The following WFDC3 variants were observed in gnomAD, a reference collection of about 807,000 sequenced individuals.
The protein encoded by WFDC3 is WAP four-disulfide core domain 3, also known as WAP four-disulfide core domain protein 3.
Under a neutral mutation model 25.8 loss-of-function variants are expected in WFDC3, and 15 were observed. The observed-to-expected ratio is 0.58, with a 90% confidence interval of 0.39 to 0.89. The LOEUF (loss-of-function observed/expected upper bound fraction) is 0.89. WFDC3 is among the 40% of genes least tolerant of loss of function. The pLI is 0.00. For synonymous variants in WFDC3, 103 were observed against 107.1 expected (o/e 0.96, Z 0.24); for missense variants, 264 against 289.8 (o/e 0.91, Z 0.65).
In WFDC3 at chr20:45,774,266, C is replaced by A; in HGVS notation, c.*162G>T. On this transcript the variant is annotated 3_prime_UTR_variant, in exon 7 of 7. Transcript: ENST00000243938. Reference sequence around the variant, plus strand: ...AGCACCACACACCCACTACCCAATCCAGGGCTATTTCCCATGCTCTGGTCA... The same window carrying A: ...AGCACCACACACCCACTACCCAATCAAGGGCTATTTCCCATGCTCTGGTCA... 1.1e-6 allele frequency: 1 copy of A among 939,534 alleles called. No homozygotes were observed. Among genetic ancestry groups the A allele is most frequent in the Non-Finnish European group, 1.7e-6 (1 of 593,108 alleles). 58.2% of individuals were successfully genotyped at this position (939,534 alleles called of 1,614,324 possible).
intron 2 of WFDC3, 63 bp downstream of exon 2, chr20:45,789,831 A>T: frequency 6.9e-7 from 1 of 1,452,918 alleles, no homozygotes; most frequent in Non-Finnish European, 9.7e-7. Context: ...GCAGGGGATG[A>T]GTTCTCCTCT....
At chr20:45,778,188 T>C (rs1980282803) in intron 4 of WFDC3, among the ~76,000 whole-genome samples, 1 of 152,194 alleles carries the variant, frequency 6.6e-6, no homozygotes, top group Non-Finnish European at 1.5e-5. Context: ...AACTACGCTA[T>C]GGGATGATGA....
intron 4 of WFDC3, among the ~76,000 whole-genome samples, chr20:45,787,481 C>T (rs1444737054): frequency 2.0e-5 from 3 of 151,544 alleles, no homozygotes; most frequent in Non-Finnish European, 4.4e-5. Flanking sequence ...TTAGTAGAGA[C>T]GGAGTTTCGC....
chr20:45,783,922 T>A (rs1980559320), intron 4 of WFDC3, among the ~76,000 whole-genome samples: 1 of 152,092 alleles, frequency 6.6e-6, no homozygotes, highest in Admixed American at 6.5e-5. Context: ...GTAGCCAGTA[T>A]CACCTCCCAC....
Position 45,775,599 on chromosome 20 carries a change from C to T in WFDC3, c.497G>A (p.Arg166Gln), listed in dbSNP as rs368555647. The T allele has an allele frequency of 1.7e-5, 28 of 1,613,962 alleles. No individual in the cohort carries two copies. Among genetic ancestry groups the T allele is most frequent in the African/African-American group, 2.7e-5 (2 of 74,928 alleles). Residue 166 changes from arginine (R) to glutamine (Q), a missense_variant, in exon 6 of 7, where the codon CGG (arginine) becomes CAG (glutamine). Transcript: ENST00000243938. Reference protein sequence around the residue: ...RTCLGDIEGGRGGDCPKVLVG... With the variant: ...RTCLGDIEGGQGGDCPKVLVG... ...CAGAACTTTTGGACAATCACCGCCC[C>T]GCCCTGTGGGAACAACAGGCACAGG...
rs1980932758 is a variant in WFDC3 at position 45,790,822 on chromosome 20, T to C, written c.-7-840A>G. 12 of 446,998 alleles carry C rather than the reference T, an allele frequency of 2.7e-5. No homozygotes were observed. The Admixed American group carries it at 2.8e-4, about 10-fold the overall frequency. 27.7% of individuals were successfully genotyped at this position (446,998 alleles called of 1,614,324 possible). On this transcript the variant is annotated intron_variant, in intron 1 of 6. Coordinates refer to ENST00000243938, the MANE Select transcript of WFDC3 (RefSeq NM_080614.2). The stretch of plus-strand genomic sequence containing the variant: ...TAATGAAAAGCACCAAACACCTACA[T>C]CTTTGTCCCTCTAACCCACACAGGC...
At chr20:45,786,973 A>T (rs1980694732) in intron 4 of WFDC3, among the ~76,000 whole-genome samples, 1 of 151,344 alleles carries the variant, frequency 6.6e-6, no homozygotes, top group South Asian at 2.1e-4. Flanking sequence ...ACATGCCTGT[A>T]GTCCCAGATA....
chr20:45,790,128 C>T (rs1450290260), intron 1 of WFDC3, 146 bp from the exon 2 acceptor site: 1 of 588,358 alleles, frequency 1.7e-6, no homozygotes, highest in African/African-American at 1.9e-5. Flanking sequence ...ATATCTTCTC[C>T]TGACAAGAAG....
chr20:45,774,365 C>T lies in WFDC3; in HGVS notation c.*63G>A. 1 of 1,612,566 alleles carries T rather than the reference C, an allele frequency of 6.2e-7. No individual in the cohort carries two copies. The highest frequency in any genetic ancestry group is 1.7e-4 in the Middle Eastern group (1 of 6,054). On this transcript the variant is annotated 3_prime_UTR_variant, in exon 7 of 7. Coordinates refer to ENST00000243938, the MANE Select transcript of WFDC3 (RefSeq NM_080614.2). ...ATGTCACAAGCCCCAGGATGTCACCCTCTCTTGACTGCCAGGAAAAGCTTC... is the reference window on the plus strand; with the variant it reads ...ATGTCACAAGCCCCAGGATGTCACCTTCTCTTGACTGCCAGGAAAAGCTTC...
In WFDC3 at chr20:45,777,343, T is replaced by A. The variant is rs922286091; in HGVS notation, c.359-134A>T. 17 of 1,025,250 alleles carry A rather than the reference T, an allele frequency of 1.7e-5. No homozygotes were observed. The African/African-American group carries it at 2.9e-4, about 17-fold the overall frequency. The allele number at this position is 1,025,250 out of a possible 1,614,324, so 63.5% of individuals were successfully genotyped here. ...AATGTAAATATTTATGTGTATCATG[T>A]ATCTGCAATACATCTGATTTTTTTT... is the stretch of plus-strand genomic sequence containing the variant. On this transcript the variant is annotated intron_variant, in intron 4 of 6. Coordinates refer to ENST00000243938, the MANE Select transcript of WFDC3 (RefSeq NM_080614.2).
chr20:45,775,470 G>A lies in WFDC3; in HGVS notation c.626C>T (p.Pro209Leu). The A allele has an allele frequency of 6.2e-7, 1 of 1,614,182 alleles. No homozygotes were observed. The highest frequency in any genetic ancestry group is 8.5e-7 in the Non-Finnish European group (1 of 1,180,026). The change falls in exon 6 of 7, where the codon CCC (proline) becomes CTC (leucine). Residue 209 changes from proline to leucine, a missense_variant. Pro to Leu is a moderately conservative substitution (Grantham distance 98). Coordinates refer to ENST00000243938, the MANE Select transcript of WFDC3 (RefSeq NM_080614.2). ...CGRFCVPPVL[P>L]PKLTMNPNWT... ...GTTGGGGTTCATGGTCAGTTTTGGG[G>A]GCAGGACTGGTGGGACACAGAAGCG... is the stretch of plus-strand genomic sequence containing the variant.
chr20:45,790,673 G>A (rs1409994329), intron 1 of WFDC3, among the ~76,000 whole-genome samples: 1 of 151,826 alleles, frequency 6.6e-6, no homozygotes, highest in East Asian at 1.9e-4. Flanking sequence ...TGCAGTGAGT[G>A]GAGATCATGC....
intron 4 of WFDC3, chr20:45,778,766 A>C (rs1239375235): frequency 6.6e-6 from 1 of 152,158 alleles, no homozygotes; most frequent in African/African-American, 2.4e-5. Context: ...TGGGCCTGAC[A>C]ACATGCATAT....
rs146629391 is a variant in WFDC3, at chr20:45,786,011, G to A, written c.358+1825C>T. Reference sequence around the variant, plus strand: ...GTGTGCTTCTCTCTCTCCCTGGAATGTCCATCGCACCCTTCACCTGGCTAA... The same window carrying A: ...GTGTGCTTCTCTCTCTCCCTGGAATATCCATCGCACCCTTCACCTGGCTAA... On this transcript the variant is annotated intron_variant, in intron 4 of 6. Coordinates refer to ENST00000243938, the MANE Select transcript of WFDC3 (RefSeq NM_080614.2). 1.4e-4 allele frequency among the ~76,000 whole-genome samples: 21 copies of A among 152,234 alleles called. No individual in the cohort carries two copies. In the East Asian group the frequency reaches 4.1e-3, roughly 29 times the overall value.
chr20:45,787,033 G>T (rs1158921937), intron 4 of WFDC3, among the ~76,000 whole-genome samples: 1 of 142,470 alleles, frequency 7.0e-6, no homozygotes, highest in Admixed American at 7.6e-5. Context: ...GGCAGAGGTT[G>T]CAGTGAGCCA....
At chr20:45,776,097 A>T (rs1464779054) in intron 5 of WFDC3, among the ~76,000 whole-genome samples, 30 of 152,174 alleles carry the variant, frequency 2.0e-4, no homozygotes, top group Admixed American at 1.9e-3. Flanking sequence ...ATGGGCTATA[A>T]GCTACATACG....
chr20:45,791,877 T>G lies in WFDC3; in HGVS notation c.-53A>C, dbSNP rs967374166. 1.6e-6 allele frequency: 1 copy of G among 637,108 alleles called. No homozygotes were observed. Among genetic ancestry groups the G allele is most frequent in the Non-Finnish European group, 2.2e-6 (1 of 444,790 alleles). The allele number at this position is 637,108 out of a possible 1,614,324, so 39.5% of individuals were successfully genotyped here. On this transcript the variant is annotated 5_prime_UTR_variant, in exon 1 of 7. Transcript: ENST00000243938. Reference sequence around the variant, plus strand: ...TCCTGGGCGAGGCGCGGCGGTTCGGTTCCCATGGTAACCCCGCAGCTCCAG... The same window carrying G: ...TCCTGGGCGAGGCGCGGCGGTTCGGGTCCCATGGTAACCCCGCAGCTCCAG...
intron 5 of WFDC3, among the ~76,000 whole-genome samples, chr20:45,775,957 G>A (rs921286998): frequency 2.0e-5 from 3 of 152,104 alleles, no homozygotes; most frequent in Non-Finnish European, 4.4e-5. Context: ...ACTTCTTCAC[G>A]GTGGCCTCCT....
intron 4 of WFDC3, among the ~76,000 whole-genome samples, chr20:45,785,687 C>T (rs144555352): frequency 1.3e-5 from 2 of 151,990 alleles, no homozygotes; most frequent in African/African-American, 2.4e-5. Flanking sequence ...CCATGAAAAT[C>T]GTGAAACAAG....
Sources: gnomAD v4.1 joint callset for allele counts (sites outside exome capture counted in the v4.1 genomes callset) on GRCh38, gnomAD v4.1.1 for gene constraint, MANE v1.5 for transcripts, NCBI Gene and HGNC (gene_info 2026-07-23, HGNC 2026-07-21) for gene names.